Variants in MEMO1 observed in about 807,000 individuals in gnomAD.
MEMO1 encodes the protein protein MEMO1.
A neutral mutation model predicts 45.2 loss-of-function variants in MEMO1; 6 were observed. That is an observed-to-expected ratio of 0.13 (90% confidence interval 0.07 to 0.26). The LOEUF (loss-of-function observed/expected upper bound fraction) is 0.26, where lower values mean the gene tolerates loss of function less well. MEMO1 is among the 10% of genes least tolerant of loss of function. The probability of loss-of-function intolerance (pLI) is 1.00; values close to 1 mark genes in which losing one functional copy is unlikely to be tolerated. For synonymous variants in MEMO1, 78 were observed against 124.3 expected (o/e 0.63, Z 2.48); for missense variants, 184 against 370.5 (o/e 0.50, Z 4.13).
intron 2 of MEMO1, among the ~76,000 whole-genome samples, chr2:31,983,018 C>G (rs1053431595): frequency 1.4e-4 from 21 of 151,890 alleles, no homozygotes; most frequent in Admixed American, 6.6e-4. Flanking sequence ...GTGGGTGGAT[C>G]ACTTGATGCC....
intron 7 of MEMO1, among the ~76,000 whole-genome samples, chr2:31,891,078 C>A (rs1039171884): frequency 6.6e-6 from 1 of 152,136 alleles, no homozygotes; most frequent in Non-Finnish European, 1.5e-5. Flanking sequence ...GGGTAAGACA[C>A]ATAAAATGCC....
chr2:31,979,265 A>G (rs1670371590), intron 2 of MEMO1, among the ~76,000 whole-genome samples: 1 of 152,226 alleles, frequency 6.6e-6, no homozygotes, highest in Non-Finnish European at 1.5e-5. Context: ...CTCTCCCTCA[A>G]CGCCTGGGGA....
intron 2 of MEMO1, among the ~76,000 whole-genome samples, chr2:31,984,058 T>C (rs116224719): frequency 6.6e-6 from 1 of 152,292 alleles, no homozygotes; most frequent in African/African-American, 2.4e-5. Context: ...GAGACAAATC[T>C]TCCTTAGAGA....
At chr2:31,896,591 T>A (rs1677854502) in intron 6 of MEMO1, among the ~76,000 whole-genome samples, 1 of 152,080 alleles carries the variant, frequency 6.6e-6, no homozygotes, top group South Asian at 2.1e-4. Flanking sequence ...AAGGAAAAAA[T>A]TTCTATGACC....
intron 6 of MEMO1, among the ~76,000 whole-genome samples, chr2:31,901,203 T>C (rs900010217): frequency 4.8e-4 from 73 of 151,560 alleles, no homozygotes; most frequent in African/African-American, 1.6e-3. Context: ...CGAAACCCTG[T>C]CTCTACTAAA....
intron 2 of MEMO1, among the ~76,000 whole-genome samples, chr2:31,983,476 C>A (rs1228571386): frequency 6.6e-6 from 1 of 152,010 alleles, no homozygotes; most frequent in Non-Finnish European, 1.5e-5. Context: ...TCTTGTTGCC[C>A]AGGCCAGAGT....
chr2:31,978,632 T>A (rs1166628974), intron 2 of MEMO1, among the ~76,000 whole-genome samples: 1 of 152,130 alleles, frequency 6.6e-6, no homozygotes, highest in Non-Finnish European at 1.5e-5. Flanking sequence ...GGGGTCTTGC[T>A]GTGTTGCCCA....
At chr2:31,882,232 T>C (rs1675503894) in intron 8 of MEMO1, among the ~76,000 whole-genome samples, 1 of 152,068 alleles carries the variant, frequency 6.6e-6, no homozygotes, top group Non-Finnish European at 1.5e-5. Context: ...GGCAGGAGAT[T>C]GCTTAAGCCC....
chr2:31,872,623 T>C (rs1673944923), intron 8 of MEMO1, among the ~76,000 whole-genome samples: 1 of 151,908 alleles, frequency 6.6e-6, no homozygotes, highest in Non-Finnish European at 1.5e-5. Context: ...AAAATACTAC[T>C]AAGTAAAGAG....
At chr2:31,945,769 T>A (rs1666124608) in intron 2 of MEMO1, among the ~76,000 whole-genome samples, 2 of 152,310 alleles carry the variant, frequency 1.3e-5, no homozygotes, top group South Asian at 2.1e-4. Flanking sequence ...TAAAATTACA[T>A]CCTGTCATAA....
chr2:31,984,962 T>C (rs987034580), intron 2 of MEMO1, among the ~76,000 whole-genome samples: 8 of 152,246 alleles, frequency 5.3e-5, no homozygotes, highest in Non-Finnish European at 8.8e-5. Context: ...ATGTTAACAG[T>C]AGGGGAAAAT....
chr2:31,997,900 G>GT (rs1226307008), intron 2 of MEMO1, among the ~76,000 whole-genome samples: 2 of 152,224 alleles, frequency 1.3e-5, no homozygotes. Context: ...AGCTCTCCCA[G>GT]TAACACAGGA....
chr2:32,008,259 C>G (rs192979549), intron 2 of MEMO1, among the ~76,000 whole-genome samples: 1 of 152,330 alleles, frequency 6.6e-6, no homozygotes, highest in Admixed American at 6.5e-5. Context: ...CACTTGCCCA[C>G]ATTCCAATGC....
intron 4 of MEMO1, chr2:31,923,502 A>G: frequency 1.1e-6 from 1 of 946,036 alleles, no homozygotes; most frequent in Non-Finnish European, 1.4e-6. Context: ...ACTAAAAGAT[A>G]GCACTCTGGT....
chr2:31,871,175 A>T (rs1673666965), intron 8 of MEMO1, among the ~76,000 whole-genome samples: 1 of 152,198 alleles, frequency 6.6e-6, no homozygotes, highest in African/African-American at 2.4e-5. Flanking sequence ...TTATTTTCTT[A>T]TTCAGTTAAA....
At chr2:31,942,346 T>C (rs1241373710) in intron 3 of MEMO1, among the ~76,000 whole-genome samples, 1 of 152,218 alleles carries the variant, frequency 6.6e-6, no homozygotes, top group Non-Finnish European at 1.5e-5. Flanking sequence ...CGGGATTAAA[T>C]TAGATCTCTT....
intron 8 of MEMO1, among the ~76,000 whole-genome samples, chr2:31,881,974 G>A (rs547108445): frequency 6.6e-6 from 1 of 152,154 alleles, no homozygotes; most frequent in Non-Finnish European, 1.5e-5. Flanking sequence ...GTGAAACCCT[G>A]TCTTTACAAA....
At chr2:31,903,312 G>A (rs1679142967) in intron 6 of MEMO1, among the ~76,000 whole-genome samples, 1 of 151,052 alleles carries the variant, frequency 6.6e-6, no homozygotes, top group East Asian at 2.0e-4. Context: ...CCAGTCAGAA[G>A]GGACAGGATC....
intron 2 of MEMO1, among the ~76,000 whole-genome samples, chr2:31,994,674 C>T (rs1672354155): frequency 6.6e-6 from 1 of 151,986 alleles, no homozygotes; most frequent in Non-Finnish European, 1.5e-5. Flanking sequence ...TACGGCCAGG[C>T]ACAGTGGCTC....
Sources: gnomAD v4.1 joint callset for allele counts (sites outside exome capture counted in the v4.1 genomes callset) on GRCh38, gnomAD v4.1.1 for gene constraint, MANE v1.5 for transcripts, NCBI Gene and HGNC (gene_info 2026-07-23, HGNC 2026-07-21) for gene names.